DOCK5: variants seen among roughly 807,000 people sequenced by gnomAD.
DOCK5 encodes the protein dedicator of cytokinesis 5, also known as dedicator of cytokinesis protein 5.
DOCK5 carries 142 observed loss-of-function variants against 251.8 expected under a neutral mutation model. The observed-to-expected ratio is 0.56, with a 90% confidence interval of 0.49 to 0.65. The LOEUF is 0.65. DOCK5 is among the 30% of genes least tolerant of loss of function. The pLI is 0.00. For synonymous variants in DOCK5, 842 were observed against 835.5 expected, an observed-to-expected ratio of 1.01 and a Z score of -0.13; for missense variants, 2,111 against 2,312.3, an observed-to-expected ratio of 0.91 and a Z score of 1.79.
intron 2 of DOCK5, among the ~76,000 whole-genome samples, chr8:25,252,922 G>C (rs2709629): frequency 0.99 from 150,927 of 152,262 alleles, 74,812 homozygotes; most frequent in East Asian, 1. Context: ...ACCTCTGCCT[G>C]CTGGGTTCAA....
intron 39 of DOCK5, among the ~76,000 whole-genome samples, chr8:25,381,249 G>A (rs1382248759): frequency 5.3e-5 from 8 of 152,184 alleles, no homozygotes; most frequent in Non-Finnish European, 1.2e-4. Flanking sequence ...TGAGGAGCTG[G>A]GTGTCAAGAT....
At chr8:25,192,710 C>G (rs1801616536) in intron 1 of DOCK5, among the ~76,000 whole-genome samples, 2 of 152,190 alleles carry the variant, frequency 1.3e-5, no homozygotes, top group South Asian at 4.1e-4. Context: ...CAGGGTTTCA[C>G]TGTGTTTCCC....
rs191709995 is a variant in DOCK5 at position 25,291,778 on chromosome 8, C to A, written c.322-246C>A. ...CGAGGCGGGTAGATCCATGGTGAGACCCTGTCTCTACTTGAACCCAGGAGG... is the reference window on the plus strand; with the variant it reads ...CGAGGCGGGTAGATCCATGGTGAGAACCTGTCTCTACTTGAACCCAGGAGG... On this transcript the variant is annotated intron_variant, in intron 5 of 51. Transcript: ENST00000276440. Among the ~76,000 whole-genome samples the A allele has an allele frequency of 4.0e-5, 6 of 150,532 alleles. No homozygotes were observed. The East Asian group carries it at 1.2e-3, about 29-fold the overall frequency.
chr8:25,263,107 A>G (rs1042009575), intron 2 of DOCK5, among the ~76,000 whole-genome samples: 2 of 151,674 alleles, frequency 1.3e-5, no homozygotes, highest in Non-Finnish European at 2.9e-5. Context: ...TCTATTTCAT[A>G]CTCAAGGTTG....
Position 25,374,580 on chromosome 8 carries a change from C to G in DOCK5, c.3742C>G (p.Arg1248Gly), listed in dbSNP as rs1359661503. The change falls in exon 37 of 52, where the codon CGA (arginine) becomes GGA (glycine). Residue 1248 changes from arginine to glycine, a missense_variant. By Grantham distance (125) the Arg-to-Gly change is moderately radical. This residue lies in a region of DOCK5 where 1,717 missense variants were observed against 1,892.4 expected (regional missense o/e 0.91). Coordinates refer to ENST00000276440, the MANE Select transcript of DOCK5 (RefSeq NM_024940.8). ...DIYIRYLYKL[R>G]DLHRDCENYT... Reference sequence around the variant, plus strand: ...TCTTGCCAGATATCTGTACAAGCTTCGAGATTTGCACCGAGACTGTGAGAA... The same window carrying G: ...TCTTGCCAGATATCTGTACAAGCTTGGAGATTTGCACCGAGACTGTGAGAA... 5 of 1,609,134 alleles carry G rather than the reference C, an allele frequency of 3.1e-6. No individual in the cohort carries two copies. Among genetic ancestry groups the G allele is most frequent in the Non-Finnish European group, 4.2e-6 (5 of 1,178,740 alleles).
At chr8:25,292,927 C>G (rs1332640593) in intron 6 of DOCK5, among the ~76,000 whole-genome samples, 4 of 152,168 alleles carry the variant, frequency 2.6e-5, no homozygotes, top group African/African-American at 4.8e-5. Flanking sequence ...AGCAGACTTG[C>G]AGGAGTAGTA....
chr8:25,317,320 T>C (rs1563199883), intron 14 of DOCK5, 189 bp downstream of exon 14: 1 of 642,966 alleles, frequency 1.6e-6, no homozygotes, highest in South Asian at 2.7e-5. Flanking sequence ...TCTAGACTCT[T>C]CTAGACTCTT....
At chr8:25,272,968 T>C (rs1384671086) in intron 3 of DOCK5, among the ~76,000 whole-genome samples, 1 of 152,156 alleles carries the variant, frequency 6.6e-6, no homozygotes, top group Non-Finnish European at 1.5e-5. Context: ...TTTGTCCTTT[T>C]GTGACTGGCT....
At chr8:25,194,802 C>T (rs185188754) in intron 1 of DOCK5, among the ~76,000 whole-genome samples, 1 of 152,298 alleles carries the variant, frequency 6.6e-6, no homozygotes, top group East Asian at 1.9e-4. Context: ...ACCCCACATT[C>T]TATCTGTCAT....
chr8:25,263,113 G>A (rs1803637189), intron 2 of DOCK5, among the ~76,000 whole-genome samples: 1 of 151,814 alleles, frequency 6.6e-6, no homozygotes, highest in Admixed American at 6.6e-5. Flanking sequence ...TCATACTCAA[G>A]GTTGCTGACA....
chr8:25,278,819 T>C (rs1307598694), intron 5 of DOCK5, among the ~76,000 whole-genome samples, 154 bp downstream of exon 5: 1 of 152,174 alleles, frequency 6.6e-6, no homozygotes, highest in Non-Finnish European at 1.5e-5. Context: ...AGATTCTCAT[T>C]TCCCCAGAGC....
chr8:25,216,053 A>G (rs930974077), intron 1 of DOCK5, among the ~76,000 whole-genome samples: 1 of 151,840 alleles, frequency 6.6e-6, no homozygotes, highest in Non-Finnish European at 1.5e-5. Context: ...ATATGTATAT[A>G]TGTATACAAT....
chr8:25,290,749 T>C (rs1804464470), intron 5 of DOCK5, among the ~76,000 whole-genome samples: 2 of 152,202 alleles, frequency 1.3e-5, no homozygotes, highest in South Asian at 2.1e-4. Context: ...CTCTGTCCTA[T>C]AAAGGCCTAC....
intron 1 of DOCK5, among the ~76,000 whole-genome samples, chr8:25,220,286 A>G (rs1802350663): frequency 6.6e-6 from 1 of 151,926 alleles, no homozygotes; most frequent in South Asian, 2.1e-4. Context: ...TTGTTCCTAT[A>G]TAAAGGTGAG....
In DOCK5 at chr8:25,269,726, C is replaced by A. The variant is rs566238521; in HGVS notation, c.168+841C>A. Among the ~76,000 whole-genome samples, 5 of 152,354 alleles carry A rather than the reference C, an allele frequency of 3.3e-5. No homozygotes were observed. The South Asian group carries it at 1.0e-3, about 32-fold the overall frequency. On this transcript the variant is annotated intron_variant, in intron 3 of 51. Transcript: ENST00000276440. Reference sequence around the variant, plus strand: ...TCGCTGGGGCAGCATGACATGTCAGCACTTTCTTTTGAAAGAGCAGAGTTG... The same window carrying A: ...TCGCTGGGGCAGCATGACATGTCAGAACTTTCTTTTGAAAGAGCAGAGTTG...
rs1433823564 is a variant in DOCK5 at position 25,408,082 on chromosome 8, G to C, written c.5193G>C (p.Lys1731Asn). Residue 1731 changes from lysine (K) to asparagine (N), a missense_variant, in exon 49 of 52, where the codon AAG becomes AAC. Around this residue, in one of 3 missense-constraint regions of DOCK5, gnomAD observed 1,717 missense variants for 1,892.4 expected, o/e 0.91. Coordinates refer to ENST00000276440, the MANE Select transcript of DOCK5 (RefSeq NM_024940.8). ...AGAACAGCGAGAACCGGATCAGCAA[G>C]TTTAAGAGAAAAGACTGGAGTCTGA... ...REENSENRISKFKRKDWSLSK... is the reference protein window; with the variant it reads ...REENSENRISNFKRKDWSLSK... 2 of 1,605,240 alleles carry C rather than the reference G, an allele frequency of 1.2e-6. No individual in the cohort carries two copies. The highest frequency in any genetic ancestry group is 3.4e-5 in the Admixed American group (2 of 58,576).
chr8:25,375,051 T>G, intron 37 of DOCK5: 1 of 999,368 alleles, frequency 1.0e-6, no homozygotes, highest in Non-Finnish European at 1.3e-6. Context: ...TATGTTGTGG[T>G]TTAGATATAA....
intron 49 of DOCK5, 71 bp downstream of exon 49, chr8:25,408,225 A>G: frequency 6.9e-7 from 1 of 1,448,394 alleles, no homozygotes. Context: ...CAGGCATATC[A>G]CCATCCCCTC....
chr8:25,406,470 G>A lies in DOCK5; in HGVS notation c.5094-1513G>A, dbSNP rs146218993. Among the ~76,000 whole-genome samples, 519 of 152,190 alleles carry A rather than the reference G, an allele frequency of 3.4e-3. 3 individuals are homozygous for A. The highest frequency in any genetic ancestry group is 0.028 in the South Asian group (136 of 4,830). ...AAATAACCTACCTGAATGCCACCCT[G>A]CCTGGAAATCAAATATGTAGTGTTT... On this transcript the variant is annotated intron_variant, in intron 48 of 51. Transcript: ENST00000276440.
Sources: allele counts gnomAD v4.1 joint callset (sites outside exome capture counted in the v4.1 genomes callset), GRCh38; gene constraint gnomAD v4.1.1; regional missense constraint gnomAD v4.1.1; transcripts MANE v1.5; gene names NCBI Gene and HGNC (gene_info 2026-07-23, HGNC 2026-07-21).